GALC: variants seen among roughly 807,000 people sequenced by gnomAD.
The protein encoded by GALC is galactosylceramidase, also known as galactocerebrosidase.
Under a neutral mutation model 91.8 loss-of-function variants are expected in GALC, and 77 were observed. The observed-to-expected ratio is 0.84, with a 90% CI of 0.70 to 1.01. The LOEUF is 1.01. Among genes scored for constraint, GALC ranks in the 50% least tolerant of loss-of-function variants. The pLI is 0.00. For missense variants in GALC, 882 were observed against 855.9 expected (o/e 1.03, Z -0.38); for synonymous variants, 357 against 306.7 (o/e 1.16, Z -1.71).
intron 10 of GALC, among the ~76,000 whole-genome samples, chr14:87,951,323 T>C (rs569323784): frequency 6.6e-6 from 1 of 151,948 alleles, no homozygotes; most frequent in Non-Finnish European, 1.5e-5. Flanking sequence ...CTTTAAGAGA[T>C]TCCACAGTCA....
chr14:87,970,127 C>T (rs894928989), intron 7 of GALC, among the ~76,000 whole-genome samples: 1 of 152,038 alleles, frequency 6.6e-6, no homozygotes, highest in Non-Finnish European at 1.5e-5. Context: ...TTCTTCTATC[C>T]CACAACTCCA....
intron 4 of GALC, 37 bp from the exon 5 acceptor site, chr14:87,984,570 T>C (rs758502498): frequency 6.8e-6 from 11 of 1,612,734 alleles, no homozygotes; most frequent in Non-Finnish European, 8.5e-6. Context: ...GTAGAGGAGG[T>C]ATAACGGTGC....
chr14:87,978,176 C>A (rs1212332151), intron 6 of GALC, among the ~76,000 whole-genome samples: 1 of 152,136 alleles, frequency 6.6e-6, no homozygotes, highest in Non-Finnish European at 1.5e-5. Context: ...CTCAGCCTCT[C>A]AAGTAGCTGG....
At chr14:87,946,315 G>A (rs1005584575) in intron 13 of GALC, among the ~76,000 whole-genome samples, 1 of 151,940 alleles carries the variant, frequency 6.6e-6, no homozygotes, top group Non-Finnish European at 1.5e-5. Context: ...CCAGTTTTGG[G>A]CCTAAGTTAT....
intron 10 of GALC, chr14:87,953,513 A>T (rs2139970149): frequency 6.2e-7 from 1 of 1,606,550 alleles, no homozygotes; most frequent in Non-Finnish European, 8.5e-7. Context: ...GGATCTCAAG[A>T]ACTTTTCAGT....
intron 5 of GALC, among the ~76,000 whole-genome samples, chr14:87,982,621 T>TC (rs1409707540): frequency 6.6e-6 from 1 of 152,086 alleles, no homozygotes; most frequent in Non-Finnish European, 1.5e-5. Context: ...TATGACAAGA[T>TC]CCCTGAAAGC....
chr14:87,958,319 A>G (rs924006848), intron 10 of GALC, among the ~76,000 whole-genome samples: 2 of 152,146 alleles, frequency 1.3e-5, no homozygotes, highest in Non-Finnish European at 2.9e-5. Context: ...AAGTGAGTCC[A>G]ATAAGTTAAG....
At chr14:87,943,791 G>A (rs779546513) in intron 14 of GALC, among the ~76,000 whole-genome samples, 8 of 151,988 alleles carry the variant, frequency 5.3e-5, no homozygotes, top group Non-Finnish European at 1.0e-4. Context: ...ATGAACAAGG[G>A]ATTTGTGTGG....
intron 16 of GALC, among the ~76,000 whole-genome samples, chr14:87,937,682 G>T (rs114637071): frequency 1.3e-5 from 2 of 151,594 alleles, no homozygotes; most frequent in African/African-American, 4.8e-5. Flanking sequence ...GAAGGAACAG[G>T]ATGTGAGGCA....
At position 87,968,503 on chromosome 14, in the gene GALC, A is replaced by G. The variant is rs769215429; in HGVS notation, c.753-13T>C. ...AGGATAATGAGCCCTAGAAAAAAAAAGGGTGGAAGTCAATGAAAAAAGGTC... is the reference window on the plus strand; with the variant it reads ...AGGATAATGAGCCCTAGAAAAAAAAGGGGTGGAAGTCAATGAAAAAAGGTC... On this transcript the variant is annotated splice_polypyrimidine_tract_variant and intron_variant, in intron 7 of 16. Coordinates refer to ENST00000261304, the MANE Select transcript of GALC (RefSeq NM_000153.4). The G allele has an allele frequency of 5.6e-6, 9 of 1,613,428 alleles. No individual in the cohort carries two copies. The Admixed American group carries it at 1.2e-4, about 21-fold the overall frequency.
At chr14:87,993,570 G>T, upstream of GALC, 1 of 1,181,826 alleles carries the variant, frequency 8.5e-7, no homozygotes, top group South Asian at 1.3e-5. Context: ...TCATCTTGGT[G>T]GAATCACTTT....
intron 7 of GALC, among the ~76,000 whole-genome samples, chr14:87,974,517 C>A (rs1255459870): frequency 6.6e-6 from 1 of 152,116 alleles, no homozygotes; most frequent in Non-Finnish European, 1.5e-5. Context: ...GAGAAATAGA[C>A]CCCACTAACA....
chr14:87,960,624 C>G (rs1455163673), intron 10 of GALC, among the ~76,000 whole-genome samples: 1 of 152,062 alleles, frequency 6.6e-6, no homozygotes, highest in Non-Finnish European at 1.5e-5. Context: ...CACGTCAGGA[C>G]AGATATATAA....
At chr14:87,992,234 A>C (rs1485190319) in intron 1 of GALC, 32 of 1,499,654 alleles carry the variant, frequency 2.1e-5, no homozygotes, top group Non-Finnish European at 2.8e-5. Flanking sequence ...GTTCAACCTT[A>C]ACATTTTCAA....
intron 1 of GALC, among the ~76,000 whole-genome samples, chr14:87,991,347 C>T (rs1031717761): frequency 6.6e-6 from 1 of 152,146 alleles, no homozygotes; most frequent in Non-Finnish European, 1.5e-5. Flanking sequence ...GGACTACAGG[C>T]GCGTGCTACC....
At chr14:87,938,114 T>C (rs1389733379) in intron 16 of GALC, among the ~76,000 whole-genome samples, 1 of 152,026 alleles carries the variant, frequency 6.6e-6, no homozygotes, top group Non-Finnish European at 1.5e-5. Context: ...CATTCATTCA[T>C]TTACCAAGTA....
rs971981713 is a variant in GALC, at chr14:87,992,804, C to T, written c.195+166G>A. The T allele has an allele frequency of 9.2e-6, 13 of 1,408,182 alleles. No homozygotes were observed. The Admixed American group carries it at 3.2e-4, about 35-fold the overall frequency. 87.2% of individuals were successfully genotyped at this position (1,408,182 alleles called of 1,614,324 possible). On this transcript the variant is annotated intron_variant, in intron 1 of 16. Transcript: ENST00000261304. ...TTAAACGAGAAAGCACCCGCCCCAG[C>T]CCCGCAGCGGGCCCGCCCCAACCGC...
upstream of GALC, chr14:87,993,282 G>A (rs948947121): frequency 2.6e-6 from 4 of 1,539,332 alleles, no homozygotes; most frequent in African/African-American, 1.4e-5. Flanking sequence ...GCGGGTCAAG[G>A]GCCTCTGACG....
intron 1 of GALC, 195 bp downstream of exon 1, chr14:87,992,775 C>G: frequency 7.1e-7 from 1 of 1,413,702 alleles, no homozygotes; most frequent in Non-Finnish European, 9.2e-7. Context: ...CTGTCTGGTT[C>G]GTGTTAAACG....
Sources: gnomAD v4.1 joint callset for allele counts (sites outside exome capture counted in the v4.1 genomes callset) on GRCh38, gnomAD v4.1.1 for gene constraint, MANE v1.5 for transcripts, NCBI Gene and HGNC (gene_info 2026-07-23, HGNC 2026-07-21) for gene names.